KLHL29: variants seen among roughly 807,000 people sequenced by gnomAD.
The protein encoded by KLHL29 is kelch like family member 29.
In KLHL29, 21 loss-of-function variants were observed where a neutral mutation model predicts 80.4. That is an observed-to-expected ratio of 0.26 (90% CI 0.19 to 0.38). KLHL29 has a LOEUF of 0.38. Among genes scored for constraint, KLHL29 ranks in the 10% least tolerant of loss-of-function variants. The probability of loss-of-function intolerance (pLI) is 1.00; values close to 1 mark genes in which losing one functional copy is unlikely to be tolerated. For missense variants in KLHL29, 867 were observed against 1,223.9 expected (o/e 0.71, Z 4.35); for synonymous variants, 511 against 526.8 (o/e 0.97, Z 0.41).
intron 2 of KLHL29, among the ~76,000 whole-genome samples, chr2:23,552,510 C>A (rs1157466626): frequency 6.6e-6 from 1 of 152,188 alleles, no homozygotes; most frequent in African/African-American, 2.4e-5. Context: ...CCCATTACCC[C>A]TGGGACCAGC....
rs2103497118 is a variant in KLHL29, at chr2:23,562,373, G to C, written c.177G>C (p.Val59=). ...VRPGLLPLPV[V]PSRLPTPATA... ...CCGGCCTCCTGCCGCTGCCCGTGGT[G>C]CCCTCCCGGCTGCCCACCCCGGCTA... is the stretch of plus-strand genomic sequence containing the variant. The change falls in exon 3 of 14, where the codon GTG becomes GTC. Residue 59 remains valine (V), a synonymous_variant. Transcript: ENST00000486442. The surrounding 1 kb of genome is among the most constrained non-coding windows in gnomAD (Gnocchi z 4.5). 1 of 1,540,514 alleles carries C rather than the reference G, an allele frequency of 6.5e-7. No individual in the cohort carries two copies. Among genetic ancestry groups the C allele is most frequent in the Non-Finnish European group, 8.7e-7 (1 of 1,145,464 alleles).
chr2:23,388,484 G>A (rs774580393), intron 1 of KLHL29, among the ~76,000 whole-genome samples: 4 of 152,100 alleles, frequency 2.6e-5, no homozygotes, highest in South Asian at 2.1e-4. Flanking sequence ...GAGTGTCACC[G>A]TTGTTATCAA....
At chr2:23,673,882 C>T (rs1377472163) in intron 5 of KLHL29, among the ~76,000 whole-genome samples, 1 of 152,070 alleles carries the variant, frequency 6.6e-6, no homozygotes, top group African/African-American at 2.4e-5. Context: ...TGCTCAAACA[C>T]ACACGTAGAT....
chr2:23,533,910 A>T (rs995233213), intron 2 of KLHL29, among the ~76,000 whole-genome samples: 1 of 151,170 alleles, frequency 6.6e-6, no homozygotes, highest in South Asian at 2.1e-4. Flanking sequence ...TTTTAAATAC[A>T]TGAGACTTTC....
At chr2:23,557,136 C>T (rs1667318442) in intron 2 of KLHL29, among the ~76,000 whole-genome samples, 1 of 152,208 alleles carries the variant, frequency 6.6e-6, no homozygotes, top group South Asian at 2.1e-4. Flanking sequence ...CTTGACCAGT[C>T]TCGTCTAACG....
intron 2 of KLHL29, among the ~76,000 whole-genome samples, chr2:23,553,876 C>G (rs1178959057): frequency 1.3e-5 from 2 of 152,196 alleles, no homozygotes; most frequent in South Asian, 2.1e-4. Context: ...GGGACGGGAT[C>G]AGAACTCACA....
intron 5 of KLHL29, among the ~76,000 whole-genome samples, chr2:23,653,551 C>T (rs1670146973): frequency 6.6e-6 from 1 of 152,190 alleles, no homozygotes; most frequent in African/African-American, 2.4e-5. Context: ...GGAGGAAGAA[C>T]AGGGACAAGA....
chr2:23,627,803 G>A (rs1435298979), intron 3 of KLHL29, among the ~76,000 whole-genome samples: 1 of 152,004 alleles, frequency 6.6e-6, no homozygotes, highest in Non-Finnish European at 1.5e-5. Context: ...ACACAGCAGA[G>A]GTTTTACAAT....
intron 1 of KLHL29, among the ~76,000 whole-genome samples, chr2:23,442,609 T>A (rs7573494): frequency 1.3e-5 from 2 of 152,008 alleles, no homozygotes; most frequent in African/African-American, 4.8e-5. Context: ...CCAACACTTC[T>A]ACTTCAGCCA....
At chr2:23,411,783 C>G (rs1666866389) in intron 1 of KLHL29, among the ~76,000 whole-genome samples, 1 of 152,140 alleles carries the variant, frequency 6.6e-6, no homozygotes, top group Non-Finnish European at 1.5e-5. Context: ...CTGAGGGTCT[C>G]CTCGGGCTCT....
At position 23,398,146 on chromosome 2, in the gene KLHL29, A is replaced by C. The variant is rs924746566; in HGVS notation, c.-154+12366A>C. 8.5e-5 allele frequency among the ~76,000 whole-genome samples: 13 copies of C among 152,290 alleles called. No individual in the cohort carries two copies. The East Asian group carries it at 2.5e-3, about 29-fold the overall frequency. On this transcript the variant is annotated intron_variant, in intron 1 of 13. Transcript: ENST00000486442. Reference sequence around the variant, plus strand: ...AAAGTGAAAGCTGGGACCCAAACAGATGTTCATACACTAGTGTTGCTCATA... The same window carrying C: ...AAAGTGAAAGCTGGGACCCAAACAGCTGTTCATACACTAGTGTTGCTCATA...
At chr2:23,604,628 C>T (rs1340044781) in intron 3 of KLHL29, among the ~76,000 whole-genome samples, 2 of 152,134 alleles carry the variant, frequency 1.3e-5, no homozygotes, top group Admixed American at 6.5e-5. Flanking sequence ...AGCTCAGGCC[C>T]CTGGAGCACT....
At chr2:23,446,472 C>T (rs1197511906) in intron 1 of KLHL29, among the ~76,000 whole-genome samples, 1 of 152,198 alleles carries the variant, frequency 6.6e-6, no homozygotes, top group Non-Finnish European at 1.5e-5. Flanking sequence ...AAGCCCAAAA[C>T]TGAGCACTTA....
At chr2:23,528,071 AT>A (rs1444507020) in intron 2 of KLHL29, among the ~76,000 whole-genome samples, 1 of 152,128 alleles carries the variant, frequency 6.6e-6, no homozygotes, top group African/African-American at 2.4e-5. Flanking sequence ...GAGCTGTTGT[AT>A]TTTATTTTTC....
At chr2:23,560,983 G>A (rs558686474) in intron 2 of KLHL29, among the ~76,000 whole-genome samples, 1 of 152,368 alleles carries the variant, frequency 6.6e-6, no homozygotes, top group South Asian at 2.1e-4. Context: ...TGGACTGGCA[G>A]GATAGGAAAA....
At chr2:23,486,437 A>G (rs946640016) in intron 2 of KLHL29, among the ~76,000 whole-genome samples, 5 of 151,482 alleles carry the variant, frequency 3.3e-5, no homozygotes, top group African/African-American at 1.2e-4. Context: ...TGTTGTTTTT[A>G]TCTGCATCAT....
intron 3 of KLHL29, among the ~76,000 whole-genome samples, chr2:23,633,851 G>C (rs550691352): frequency 6.6e-6 from 1 of 151,996 alleles, no homozygotes; most frequent in African/African-American, 2.4e-5. Context: ...GGCAGTTCCA[G>C]GAGCCCCGTG....
chr2:23,550,085 GC>G (rs1667083653), intron 2 of KLHL29, among the ~76,000 whole-genome samples: 1 of 152,024 alleles, frequency 6.6e-6, no homozygotes, highest in Non-Finnish European at 1.5e-5. Flanking sequence ...TTATGGCTGT[GC>G]CCTCCTGAAC....
At chr2:23,423,948 T>A (rs189769284) in intron 1 of KLHL29, among the ~76,000 whole-genome samples, 1 of 152,144 alleles carries the variant, frequency 6.6e-6, no homozygotes, top group African/African-American at 2.4e-5. Flanking sequence ...TCACCATCCT[T>A]AGTGGCTTCG....
Sources: gnomAD v4.1 joint callset for allele counts (sites outside exome capture counted in the v4.1 genomes callset) on GRCh38, gnomAD v4.1.1 for gene constraint, Gnocchi (gnomAD v3.1) non-coding constraint, MANE v1.5 for transcripts, NCBI Gene and HGNC (gene_info 2026-07-23, HGNC 2026-07-21) for gene names.